The following PPP2R2C variants were observed in gnomAD, a reference collection of about 807,000 sequenced individuals.
The protein encoded by PPP2R2C is protein phosphatase 2, regulatory subunit B, gamma.
In PPP2R2C, 10 loss-of-function variants were observed where a neutral mutation model predicts 45.3. That is an observed-to-expected ratio of 0.22 (90% CI 0.14 to 0.37). PPP2R2C has a LOEUF of 0.37. Ranked by LOEUF, PPP2R2C falls within the 10% of genes least tolerant of loss-of-function variation. The pLI, the probability that PPP2R2C is intolerant of heterozygous loss-of-function variation, is 1.00. For missense variants in PPP2R2C, 308 were observed against 619.7 expected (o/e 0.50, Z 5.34); for synonymous variants, 257 against 245.4 (o/e 1.05, Z -0.44).
intron 1 of PPP2R2C, among the ~76,000 whole-genome samples, chr4:6,434,942 T>C (rs1490633423): frequency 6.6e-6 from 1 of 152,228 alleles, no homozygotes; most frequent in African/African-American, 2.4e-5. Context: ...TGGGGGTTCT[T>C]GATTTATGAG....
intron 5 of PPP2R2C, among the ~76,000 whole-genome samples, chr4:6,358,659 A>G (rs529306270): frequency 1.4e-3 from 215 of 152,318 alleles, no homozygotes; most frequent in Admixed American, 4.0e-3. Flanking sequence ...AAAAAAATCA[A>G]ACAACACCAT....
rs111438100 is a variant in PPP2R2C at position 6,378,893 on chromosome 4, G to A, written c.169-321C>T. ...CGCACCATCGCATTCTACCCTCCAG[G>A]CCTCCTCTGCTTGAGCACCACGACT... On this transcript the variant is annotated intron_variant, in intron 2 of 8. Coordinates refer to ENST00000382599, the MANE Select transcript of PPP2R2C (RefSeq NM_020416.4). This position sits in a 1 kb window ranked among gnomAD's most constrained non-coding sequence, Gnocchi z 5.2. 6.6e-6 allele frequency among the ~76,000 whole-genome samples: 1 copy of A among 151,480 alleles called. No individual in the cohort carries two copies. Among genetic ancestry groups the A allele is most frequent in the African/African-American group, 2.4e-5 (1 of 41,180 alleles).
chr4:6,456,120 A>G (rs1721011085), intron 1 of PPP2R2C, among the ~76,000 whole-genome samples: 1 of 152,216 alleles, frequency 6.6e-6, no homozygotes. Flanking sequence ...TAATACCTAC[A>G]TCGTGAAGTA....
At chr4:6,484,345 T>C (rs73086174) in intron 2 of PPP2R2C, among the ~76,000 whole-genome samples, 3,894 of 152,082 alleles carry the variant, frequency 0.026, 165 homozygotes, top group African/African-American at 0.089. Context: ...GATCTGTTAA[T>C]CTATCTTGAC....
Position 6,508,235 on chromosome 4 carries a change from C to T in PPP2R2C, c.49+27036G>A, listed in dbSNP as rs568244860. ...GTCAGGCGGTTATTAAACGGTCTCT[C>T]TAAAATAATAATTGGTTACAGCTGG... On this transcript the variant is annotated intron_variant, in intron 2 of 9. Transcript: ENST00000506140. Among the ~76,000 whole-genome samples the T allele has an allele frequency of 9.8e-5, 15 of 152,330 alleles. 1 individual carries two copies. The South Asian group carries it at 3.1e-3, about 32-fold the overall frequency.
chr4:6,414,738 C>A (rs1265143563), intron 1 of PPP2R2C, among the ~76,000 whole-genome samples: 1 of 152,024 alleles, frequency 6.6e-6, no homozygotes, highest in Admixed American at 6.6e-5. Flanking sequence ...GAGGGAGGAA[C>A]AGGGGGTGGG....
At chr4:6,560,739 T>G (rs1427206509) in intron 1 of PPP2R2C, among the ~76,000 whole-genome samples, 1 of 152,180 alleles carries the variant, frequency 6.6e-6, no homozygotes, top group Non-Finnish European at 1.5e-5. Context: ...GGCTCGTGCT[T>G]GGGGTTTAAG....
chr4:6,409,768 C>T (rs921398066), intron 1 of PPP2R2C, among the ~76,000 whole-genome samples: 6 of 152,136 alleles, frequency 3.9e-5, no homozygotes, highest in African/African-American at 2.4e-5. Flanking sequence ...GGGGATAGAG[C>T]CAAGAGGAGA....
rs1305631121 is a variant in PPP2R2C at position 6,383,739 on chromosome 4, G to T, written c.71-2645C>A. ...TTATCATCTGTAGGCTCTCTTCCTG[G>T]CCAGAACGTAAACTTCATGAGGGCA... On this transcript the variant is annotated intron_variant, in intron 1 of 8. Coordinates refer to ENST00000382599, the MANE Select transcript of PPP2R2C (RefSeq NM_020416.4). 4 of 843,938 alleles carry T rather than the reference G, an allele frequency of 4.7e-6. No individual in the cohort carries two copies. The African/African-American group carries it at 7.4e-5, about 16-fold the overall frequency. 52.3% of individuals were successfully genotyped at this position (843,938 alleles called of 1,614,324 possible).
intron 1 of PPP2R2C, among the ~76,000 whole-genome samples, chr4:6,545,338 T>C (rs28555652): frequency 0.11 from 17,057 of 152,206 alleles, 1,064 homozygotes; most frequent in South Asian, 0.21. Context: ...TTAATTTACC[T>C]CCACTAACAA....
intron 2 of PPP2R2C, among the ~76,000 whole-genome samples, chr4:6,511,651 G>C (rs1317963422): frequency 1.2e-5 from 1 of 84,922 alleles, no homozygotes; most frequent in African/African-American, 5.5e-5. Context: ...GATGGTGGTG[G>C]TGATGGTGGT....
intron 1 of PPP2R2C, among the ~76,000 whole-genome samples, chr4:6,451,217 C>T (rs557154119): frequency 6.6e-6 from 1 of 152,270 alleles, no homozygotes; most frequent in Non-Finnish European, 1.5e-5. Flanking sequence ...GCCACATCCC[C>T]CAGTCCCAGC....
At chr4:6,367,241 C>G (rs755142513) in intron 5 of PPP2R2C, among the ~76,000 whole-genome samples, 2 of 152,172 alleles carry the variant, frequency 1.3e-5, no homozygotes, top group African/African-American at 4.8e-5. Flanking sequence ...ATTTTCCTTT[C>G]TCTTGATATG....
intron 2 of PPP2R2C, among the ~76,000 whole-genome samples, chr4:6,532,355 G>C (rs1724432757): frequency 6.6e-6 from 1 of 152,206 alleles, no homozygotes; most frequent in East Asian, 1.9e-4. Context: ...GCCCAGGCCA[G>C]GGTTCTCACA....
chr4:6,453,778 C>T (rs545708672), intron 1 of PPP2R2C, among the ~76,000 whole-genome samples: 2 of 152,348 alleles, frequency 1.3e-5, no homozygotes, highest in African/African-American at 4.8e-5. Context: ...CTGCACTCCT[C>T]CCTACTGCAG....
chr4:6,419,504 G>A (rs966517409), intron 1 of PPP2R2C, among the ~76,000 whole-genome samples: 29 of 152,258 alleles, frequency 1.9e-4, no homozygotes, highest in African/African-American at 6.7e-4. Flanking sequence ...AGCCTGCAAA[G>A]TCTAAAATAT....
intron 1 of PPP2R2C, chr4:6,381,349 A>G: frequency 6.7e-7 from 1 of 1,501,590 alleles, no homozygotes; most frequent in Non-Finnish European, 8.9e-7. Context: ...GGGCGACCAC[A>G]GTGGCTGGCA....
At chr4:6,347,333 G>A (rs1312042747) in intron 6 of PPP2R2C, among the ~76,000 whole-genome samples, 1 of 152,100 alleles carries the variant, frequency 6.6e-6, no homozygotes, top group Admixed American at 6.5e-5. Context: ...GACCTCCACG[G>A]ATACCCCTGT....
At chr4:6,393,382 G>A (rs908714652) in intron 1 of PPP2R2C, among the ~76,000 whole-genome samples, 6 of 152,208 alleles carry the variant, frequency 3.9e-5, no homozygotes, top group African/African-American at 1.4e-4. Context: ...CCACTTCGCA[G>A]AATGTTTTCA....
Sources: allele counts gnomAD v4.1 joint callset (sites outside exome capture counted in the v4.1 genomes callset), GRCh38; gene constraint gnomAD v4.1.1; non-coding constraint Gnocchi (gnomAD v3.1); transcripts MANE v1.5; gene names NCBI Gene and HGNC (gene_info 2026-07-23, HGNC 2026-07-21).